The following GRAMD1B variants were observed in gnomAD, a reference collection of about 807,000 sequenced individuals.
The protein encoded by GRAMD1B is protein Aster-B.
GRAMD1B carries 37 observed loss-of-function variants against 99.7 expected under a neutral mutation model. The ratio of observed to expected loss-of-function variants is 0.37; its 90% confidence interval spans 0.29 to 0.49. GRAMD1B has a LOEUF of 0.49. GRAMD1B is among the 20% of genes least tolerant of loss of function. GRAMD1B has a pLI of 0.98. For synonymous variants in GRAMD1B, 427 were observed against 387.6 expected (o/e 1.10, Z -1.19); for missense variants, 888 against 1,009.2 (o/e 0.88, Z 1.63).
Position 123,619,177 on chromosome 11 carries a change from CA to C in GRAMD1B, c.2502del (p.Lys834AsnfsTer10). 1 of 1,569,116 alleles carries C rather than the reference CA, an allele frequency of 6.4e-7. No individual in the cohort carries two copies. Among genetic ancestry groups the C allele is most frequent in the Non-Finnish European group, 8.6e-7 (1 of 1,156,930 alleles). The part of the protein sequence containing the change: ...SQQKYHDTEL[Q>X]KWREIIKSSV... ...ACAAAAGTACCACGATACTGAGCTC[CA>C]AAAATGGAGGGAAATCATCAAATCC... On this transcript the variant is annotated frameshift_variant, in exon 19 of 20. Coordinates refer to ENST00000635736, the MANE Select transcript of GRAMD1B (RefSeq NM_001387025.1). LOFTEE classifies it high-confidence loss of function.
intron 1 of GRAMD1B, among the ~76,000 whole-genome samples, chr11:123,461,908 G>A (rs191695266): frequency 6.8e-6 from 1 of 146,468 alleles, no homozygotes; most frequent in Non-Finnish European, 1.5e-5. Context: ...GCCCGGCCAA[G>A]ATAGCTCTAC....
intron 2 of GRAMD1B, among the ~76,000 whole-genome samples, chr11:123,493,212 A>T (rs868461010): frequency 1.3e-5 from 2 of 152,194 alleles, no homozygotes; most frequent in Admixed American, 6.5e-5. Context: ...TTGCAAAAAC[A>T]TTTCATCCTC....
intron 2 of GRAMD1B, among the ~76,000 whole-genome samples, chr11:123,551,834 A>ACT (rs1176002053): frequency 5.3e-5 from 8 of 151,824 alleles, no homozygotes; most frequent in African/African-American, 1.9e-4. Context: ...AGTAGGTGAG[A>ACT]CTCTGAGTTC....
chr11:123,464,704 G>T (rs1262163128), intron 1 of GRAMD1B, among the ~76,000 whole-genome samples: 2 of 152,208 alleles, frequency 1.3e-5, no homozygotes, highest in African/African-American at 4.8e-5. Context: ...TGCAGCCAAG[G>T]TGGTACTGAT....
At chr11:123,447,637 C>T (rs1591555717) in intron 1 of GRAMD1B, among the ~76,000 whole-genome samples, 1 of 152,152 alleles carries the variant, frequency 6.6e-6, no homozygotes, top group African/African-American at 2.4e-5. Context: ...CTCTCTGGGC[C>T]TCAGTGAGAT....
chr11:123,415,958 T>C (rs1441261492), intron 1 of GRAMD1B, among the ~76,000 whole-genome samples: 1 of 152,242 alleles, frequency 6.6e-6, no homozygotes, highest in Non-Finnish European at 1.5e-5. Flanking sequence ...TGGTATCTTA[T>C]TACTGAGGTT....
At chr11:123,370,775 G>A (rs748552300) in intron 1 of GRAMD1B, among the ~76,000 whole-genome samples, 1 of 152,124 alleles carries the variant, frequency 6.6e-6, no homozygotes, top group African/African-American at 2.4e-5. Context: ...TTATTGACTG[G>A]GGACAAAGGA....
intron 3 of GRAMD1B, among the ~76,000 whole-genome samples, chr11:123,583,572 ATCT>A (rs1949708246): frequency 6.6e-6 from 1 of 152,182 alleles, no homozygotes; most frequent in Admixed American, 6.5e-5. Flanking sequence ...ACAAGGCACG[ATCT>A]TAGCTATCCC....
chr11:123,525,865 G>A (rs1286011915), intron 2 of GRAMD1B: 6 of 503,118 alleles, frequency 1.2e-5, no homozygotes, highest in Non-Finnish European at 1.8e-5. Flanking sequence ...ACTGGCAGCG[G>A]CAGCCACAGC....
At chr11:123,422,869 T>A (rs11219136) in intron 1 of GRAMD1B, among the ~76,000 whole-genome samples, 12,742 of 152,218 alleles carry the variant, frequency 0.084, 1,721 homozygotes, top group African/African-American at 0.29. Context: ...TCGTGTTCAC[T>A]CTGCATTTGG....
At chr11:123,500,983 A>G (rs1331129895) in intron 2 of GRAMD1B, among the ~76,000 whole-genome samples, 1 of 151,842 alleles carries the variant, frequency 6.6e-6, no homozygotes, top group Non-Finnish European at 1.5e-5. Context: ...AATAGATGCC[A>G]TTTTGAGGGC....
At chr11:123,576,429 C>T (rs1284287570) in intron 2 of GRAMD1B, among the ~76,000 whole-genome samples, 1 of 152,226 alleles carries the variant, frequency 6.6e-6, no homozygotes, top group Admixed American at 6.5e-5. Flanking sequence ...CATCTCTTTC[C>T]TTTCTCCACT....
intron 4 of GRAMD1B, among the ~76,000 whole-genome samples, chr11:123,586,479 G>A (rs1218846376): frequency 6.6e-6 from 1 of 152,206 alleles, no homozygotes; most frequent in Non-Finnish European, 1.5e-5. Flanking sequence ...CGCACAAGGG[G>A]CTCTTTGCTG....
intron 1 of GRAMD1B, among the ~76,000 whole-genome samples, chr11:123,441,326 C>T (rs1334936377): frequency 6.6e-6 from 1 of 152,128 alleles, no homozygotes; most frequent in Non-Finnish European, 1.5e-5. Flanking sequence ...AGGTTCTCCT[C>T]CTACACTAGA....
chr11:123,404,064 C>T (rs1947769072), intron 1 of GRAMD1B, among the ~76,000 whole-genome samples: 1 of 152,206 alleles, frequency 6.6e-6, no homozygotes, highest in Admixed American at 6.5e-5. Flanking sequence ...ATTTCATCCT[C>T]AGAGTGCAGT....
At chr11:123,617,499 T>G (rs1434538518) in intron 17 of GRAMD1B, among the ~76,000 whole-genome samples, 2 of 152,186 alleles carry the variant, frequency 1.3e-5, no homozygotes, top group African/African-American at 4.8e-5. Flanking sequence ...TATCTTCTCA[T>G]TTTTTGTCAT....
intron 1 of GRAMD1B, among the ~76,000 whole-genome samples, chr11:123,409,801 TAAC>T (rs911320502): frequency 2.6e-5 from 4 of 152,106 alleles, no homozygotes; most frequent in African/African-American, 7.2e-5. Context: ...TCAAACAAAC[TAAC>T]AACAAAACCC....
rs986113458 is a variant in GRAMD1B at position 123,622,567 on chromosome 11, G to A, written c.2606G>A (p.Ser869Asn). 1.9e-6 allele frequency: 3 copies of A among 1,556,494 alleles called. No individual in the cohort carries two copies. Among genetic ancestry groups the A allele is most frequent in the East Asian group, 2.4e-5 (1 of 41,276 alleles). The change falls in exon 20 of 20, where the codon AGT becomes AAT. Residue 869 changes from serine (S) to asparagine (N), a missense_variant. By Grantham distance (46) the Ser-to-Asn change is conservative (BLOSUM62 1). Coordinates refer to ENST00000635736, the MANE Select transcript of GRAMD1B (RefSeq NM_001387025.1). ...GIRSRDYTSE[S>N]EEKRNRYH ...AGGTCCCGCGACTACACGTCGGAAA[G>A]TGAAGAAAAGAGGAATCGCTATCAT... is the stretch of plus-strand genomic sequence containing the variant.
intron 2 of GRAMD1B, among the ~76,000 whole-genome samples, chr11:123,524,435 G>A (rs938272171): frequency 9.2e-5 from 14 of 151,770 alleles, no homozygotes; most frequent in African/African-American, 3.1e-4. Context: ...CTATCTCTCT[G>A]GTTCAAGCAA....
Sources: allele counts gnomAD v4.1 joint callset (sites outside exome capture counted in the v4.1 genomes callset), GRCh38; gene constraint gnomAD v4.1.1; transcripts MANE v1.5; gene names NCBI Gene and HGNC (gene_info 2026-07-23, HGNC 2026-07-21).